The following SEMA4D variants were observed in gnomAD, a reference collection of about 807,000 sequenced individuals.
SEMA4D encodes semaphorin 4D, also known as semaphorin-4D.
A neutral mutation model predicts 74.8 loss-of-function variants in SEMA4D; 22 were observed. The ratio of observed to expected loss-of-function variants is 0.29; its 90% CI spans 0.21 to 0.42. The LOEUF is 0.42. SEMA4D is among the 10% of genes least tolerant of loss of function. SEMA4D has a pLI of 1.00. For synonymous variants in SEMA4D, 445 were observed against 463.7 expected (o/e 0.96, Z 0.52); for missense variants, 937 against 1,118.4 (o/e 0.84, Z 2.31).
At chr9:89,445,911 G>C (rs913550223) in intron 2 of SEMA4D, among the ~76,000 whole-genome samples, 2 of 152,110 alleles carry the variant, frequency 1.3e-5, no homozygotes, top group Admixed American at 1.3e-4. Context: ...TGCAGGCTCA[G>C]CTGGAGGTGC....
intron 16 of SEMA4D, among the ~76,000 whole-genome samples, chr9:89,370,397 CGTGTGGTGT>C (rs1020515861): frequency 4.2e-5 from 6 of 142,768 alleles, no homozygotes; most frequent in South Asian, 2.3e-4. Flanking sequence ...ATATGCGTGG[CGTGTGGTGT>C]GTGTGGTGTG....
chr9:89,400,017 A>AG (rs1317452024), intron 4 of SEMA4D, among the ~76,000 whole-genome samples: 1 of 150,540 alleles, frequency 6.6e-6, no homozygotes, highest in Non-Finnish European at 1.5e-5. Context: ...AAAAAAAAAA[A>AG]AAAAAAAAAA....
chr9:89,485,691 G>A (rs1362711343), intron 1 of SEMA4D, among the ~76,000 whole-genome samples: 3 of 149,864 alleles, frequency 2.0e-5, no homozygotes, highest in Non-Finnish European at 3.0e-5. Context: ...GGGAGGCTGA[G>A]GCAGGAGAAT....
chr9:89,442,101 A>G (rs1851785618), intron 2 of SEMA4D, among the ~76,000 whole-genome samples: 2 of 146,376 alleles, frequency 1.4e-5, no homozygotes, highest in Admixed American at 6.7e-5. Context: ...CCTCCCCATC[A>G]TCAGCACCCA....
chr9:89,457,972 G>T (rs1384259465), intron 1 of SEMA4D, among the ~76,000 whole-genome samples: 2 of 152,206 alleles, frequency 1.3e-5, no homozygotes, highest in Non-Finnish European at 2.9e-5. Flanking sequence ...GCCGGAGGTT[G>T]CAGTGAGCCA....
intron 2 of SEMA4D, among the ~76,000 whole-genome samples, chr9:89,434,148 G>C (rs1270914335): frequency 6.6e-6 from 1 of 152,156 alleles, no homozygotes; most frequent in Non-Finnish European, 1.5e-5. Context: ...CTCAGCCCCG[G>C]AGCAGCAGTA....
chr9:89,431,564 C>T (rs2134648343), intron 2 of SEMA4D, among the ~76,000 whole-genome samples: 1 of 152,348 alleles, frequency 6.6e-6, no homozygotes, highest in Middle Eastern at 3.4e-3. Context: ...ACGGTGCAAT[C>T]ATAGCTCACT....
chr9:89,454,847 G>T (rs1384514647), intron 2 of SEMA4D, among the ~76,000 whole-genome samples: 1 of 152,260 alleles, frequency 6.6e-6, no homozygotes, highest in Non-Finnish European at 1.5e-5. Flanking sequence ...AGCTGACCCA[G>T]TGGGGCCCTG....
intron 13 of SEMA4D, among the ~76,000 whole-genome samples, chr9:89,382,429 G>T (rs1837325844): frequency 6.6e-6 from 1 of 151,832 alleles, no homozygotes. Flanking sequence ...TCAGAGTGTG[G>T]TTGGAAGATC....
intron 4 of SEMA4D, among the ~76,000 whole-genome samples, chr9:89,400,171 C>T (rs1841882036): frequency 6.6e-6 from 1 of 152,230 alleles, no homozygotes; most frequent in Non-Finnish European, 1.5e-5. Context: ...AGCTCAGGCA[C>T]CATCTTAGTA....
At position 89,396,854 on chromosome 9, in the gene SEMA4D, C is replaced by T. The variant is rs1342345991; in HGVS notation, c.316-19G>A. 6.2e-7 allele frequency: 1 copy of T among 1,604,034 alleles called. No individual in the cohort carries two copies. Among genetic ancestry groups the T allele is most frequent in the Non-Finnish European group, 8.5e-7 (1 of 1,173,530 alleles). On this transcript the variant is annotated intron_variant, in intron 5 of 15. Coordinates refer to ENST00000422704, the MANE Select transcript of SEMA4D (RefSeq NM_001371194.2). ...ACTCTGTCTGCAGGGAAGAGAAATG[C>T]ACCATTAGCAACCGTCCAGCCCAGA...
intron 1 of SEMA4D, among the ~76,000 whole-genome samples, chr9:89,464,289 G>C (rs915508074): frequency 1.3e-5 from 2 of 152,334 alleles, no homozygotes; most frequent in East Asian, 3.9e-4. Context: ...GATGCTACCT[G>C]TGAGAAAAAA....
chr9:89,395,573 T>C (rs1418654239), intron 6 of SEMA4D, among the ~76,000 whole-genome samples: 1 of 152,216 alleles, frequency 6.6e-6, no homozygotes, highest in African/African-American at 2.4e-5. Context: ...AAAAATCCTT[T>C]GTTGTGCAAA....
chr9:89,413,996 G>C (rs749969770), intron 2 of SEMA4D, among the ~76,000 whole-genome samples: 2 of 152,174 alleles, frequency 1.3e-5, no homozygotes, highest in Non-Finnish European at 2.9e-5. Context: ...GTGACTGCTG[G>C]CAAGTGTCCT....
At chr9:89,451,028 GC>G (rs775610659) in intron 2 of SEMA4D, among the ~76,000 whole-genome samples, 1 of 152,074 alleles carries the variant, frequency 6.6e-6, no homozygotes, top group Non-Finnish European at 1.5e-5. Flanking sequence ...TTGTCTTCAA[GC>G]CCCTCTTCCT....
chr9:89,453,974 C>T (rs901094243), intron 2 of SEMA4D, among the ~76,000 whole-genome samples: 2 of 151,764 alleles, frequency 1.3e-5, no homozygotes, highest in Non-Finnish European at 2.9e-5. Flanking sequence ...TCTCCTGCCT[C>T]AGCCTCCTGA....
Position 89,449,572 on chromosome 9 carries a change from C to G in SEMA4D, c.-244+6316G>C. 4 of 826,578 alleles carry G rather than the reference C, an allele frequency of 4.8e-6. No homozygotes were observed. In the Admixed American group the frequency reaches 6.9e-5, roughly 14 times the overall value. 51.2% of individuals were successfully genotyped at this position (826,578 alleles called of 1,614,324 possible). A position where few individuals can be genotyped will look rare whatever the true frequency, so the allele number is the denominator to read the frequency against. On this transcript the variant is annotated intron_variant, in intron 2 of 15. Coordinates refer to ENST00000422704, the MANE Select transcript of SEMA4D (RefSeq NM_001371194.2). ...GTGGCAGGAAGATGTCAGGCAAAGA[C>G]GAGCAGCAGGAGCAAACTATCGCCG...
chr9:89,405,742 G>T, intron 2 of SEMA4D, 43 bp from the exon 3 acceptor site: 1 of 1,380,458 alleles, frequency 7.2e-7, no homozygotes, highest in Non-Finnish European at 9.3e-7. Flanking sequence ...CATGGTGAGT[G>T]ATGACCTGCT....
chr9:89,421,457 T>G (rs1214013768), intron 2 of SEMA4D, among the ~76,000 whole-genome samples: 1 of 152,150 alleles, frequency 6.6e-6, no homozygotes, highest in African/African-American at 2.4e-5. Flanking sequence ...AGAAGCTACA[T>G]CCAGAATCTC....
Sources: allele counts gnomAD v4.1 joint callset (sites outside exome capture counted in the v4.1 genomes callset), GRCh38; gene constraint gnomAD v4.1.1; transcripts MANE v1.5; gene names NCBI Gene and HGNC (gene_info 2026-07-23, HGNC 2026-07-21).